Variants in DLG2 observed in about 807,000 individuals in gnomAD.
The protein encoded by DLG2 is disks large homolog 2.
In DLG2, 45 loss-of-function variants were observed where a neutral mutation model predicts 132.5. The ratio of observed to expected loss-of-function variants is 0.34; its 90% CI spans 0.27 to 0.44. The LOEUF (loss-of-function observed/expected upper bound fraction) is 0.44. Among genes scored for constraint, DLG2 ranks in the 20% least tolerant of loss-of-function variants. DLG2 has a pLI of 1.00. For synonymous variants in DLG2, 424 were observed against 419.6 expected, an observed-to-expected ratio of 1.01 and a Z score of -0.13; for missense variants, 1,045 against 1,196.9, an observed-to-expected ratio of 0.87 and a Z score of 1.87.
rs913728225 is a variant in DLG2 at position 83,651,226 on chromosome 11, G to C, written c.1826-17901C>G. 2.6e-5 allele frequency among the ~76,000 whole-genome samples: 4 copies of C among 152,030 alleles called. No homozygotes were observed. The East Asian group carries it at 7.7e-4, about 29-fold the overall frequency. ...AATTGAATAAGAAAACTGAGTTTAG[G>C]TTAAAAAAAAATCTCAGATGGAATG... On this transcript the variant is annotated intron_variant, in intron 18 of 27. Transcript: ENST00000376104.
At chr11:85,052,976 C>T (rs1210992241) in intron 6 of DLG2, among the ~76,000 whole-genome samples, 6 of 152,148 alleles carry the variant, frequency 3.9e-5, no homozygotes, top group Admixed American at 3.9e-4. Flanking sequence ...GCTACTTGCC[C>T]TATTGTTTCC....
At chr11:83,718,948 C>T (rs1034362993) in intron 18 of DLG2, among the ~76,000 whole-genome samples, 1 of 152,178 alleles carries the variant, frequency 6.6e-6, no homozygotes, top group Non-Finnish European at 1.5e-5. Context: ...CAGATTCCAG[C>T]ACCTATAGGC....
intron 6 of DLG2, among the ~76,000 whole-genome samples, chr11:84,616,107 G>C (rs1013252302): frequency 6.6e-6 from 1 of 151,992 alleles, no homozygotes; most frequent in African/African-American, 2.4e-5. Flanking sequence ...GCAAAGGGGG[G>C]TCAGAGAAGG....
Position 84,530,805 on chromosome 11 carries a change from C to T in DLG2, c.519+3765G>A, listed in dbSNP as rs550982899. Among the ~76,000 whole-genome samples, 31 of 152,228 alleles carry T rather than the reference C, an allele frequency of 2.0e-4. 1 individual carries two copies. In the East Asian group the frequency reaches 3.1e-3, roughly 15 times the overall value. On this transcript the variant is annotated intron_variant, in intron 7 of 27. Coordinates refer to ENST00000376104, the MANE Select transcript of DLG2 (RefSeq NM_001142699.3). ...CTCAAAGGAATATAAATTGTTCTGC[C>T]GTTAAGACACACGCAAAGGTATGTT... is the stretch of plus-strand genomic sequence containing the variant.
At position 84,624,704 on chromosome 11, in the gene DLG2, C is replaced by A. The variant is rs181840833; in HGVS notation, c.358-89973G>T. ...CCATGACATTCCTCCTTTTATTGGT[C>A]CTCAGCATTTTCAGTGAACATCACA... On this transcript the variant is annotated intron_variant, in intron 6 of 27. Coordinates refer to ENST00000376104, the MANE Select transcript of DLG2 (RefSeq NM_001142699.3). Among the ~76,000 whole-genome samples the A allele has an allele frequency of 3.6e-3, 542 of 151,474 alleles. 6 individuals are homozygous for A. Among genetic ancestry groups the A allele is most frequent in the African/African-American group, 0.012 (500 of 41,126 alleles).
Position 84,090,398 on chromosome 11 carries a change from G to A in DLG2, c.749+8525C>T, listed in dbSNP as rs986928298. ...CATTGCACTCCAGCCTGGGTGACAA[G>A]AGTGAGATTTCATCTCAAAAAAAAA... On this transcript the variant is annotated intron_variant, in intron 10 of 27. Coordinates refer to ENST00000376104, the MANE Select transcript of DLG2 (RefSeq NM_001142699.3). Among the ~76,000 whole-genome samples, 9 of 112,306 alleles carry A rather than the reference G, an allele frequency of 8.0e-5. No individual in the cohort carries two copies. The South Asian group carries it at 2.5e-3, about 32-fold the overall frequency. The allele number at this position is 112,306 out of a possible 152,430, so 73.7% of individuals were successfully genotyped here. A position where few individuals can be genotyped will look rare whatever the true frequency, so the allele number is the denominator to read the frequency against.
chr11:84,971,444 G>A (rs553220229), intron 6 of DLG2, among the ~76,000 whole-genome samples: 35 of 152,226 alleles, frequency 2.3e-4, no homozygotes, highest in Admixed American at 5.9e-4. Flanking sequence ...TAGATTTTAC[G>A]CACTTAAGAT....
intron 14 of DLG2, among the ~76,000 whole-genome samples, chr11:83,931,799 C>T (rs58178367): frequency 0.24 from 36,737 of 151,994 alleles, 8,309 homozygotes; most frequent in African/African-American, 0.6. Context: ...TTTAATACCT[C>T]GGATTTTAGA....
chr11:84,559,723 C>T (rs1016047333), intron 6 of DLG2, among the ~76,000 whole-genome samples: 7 of 152,102 alleles, frequency 4.6e-5, no homozygotes, highest in Non-Finnish European at 7.4e-5. Context: ...TGTGTCTCTT[C>T]GGTCCTCTGA....
At chr11:84,488,106 T>A (rs1221402192) in intron 7 of DLG2, among the ~76,000 whole-genome samples, 1 of 152,140 alleles carries the variant, frequency 6.6e-6, no homozygotes, top group African/African-American at 2.4e-5. Flanking sequence ...GCATTGCCCC[T>A]CAGAATCCTG....
At chr11:84,244,269 C>T (rs1297509502) in intron 8 of DLG2, among the ~76,000 whole-genome samples, 6 of 152,038 alleles carry the variant, frequency 3.9e-5, no homozygotes, top group Admixed American at 6.6e-5. Context: ...TTGCAACCTC[C>T]GCCTCCCGGG....
chr11:85,013,370 A>G (rs1423339419), intron 6 of DLG2, among the ~76,000 whole-genome samples: 3 of 152,164 alleles, frequency 2.0e-5, no homozygotes, highest in Admixed American at 2.0e-4. Flanking sequence ...GTTGCTCTGA[A>G]GTAGCCATGG....
At chr11:85,118,239 T>C (rs1045265300) in intron 5 of DLG2, among the ~76,000 whole-genome samples, 5 of 152,068 alleles carry the variant, frequency 3.3e-5, no homozygotes, top group Admixed American at 2.6e-4. Flanking sequence ...TTTGCCTCTT[T>C]TGTAAATGAA....
chr11:84,402,774 C>G (rs559236361), intron 7 of DLG2, among the ~76,000 whole-genome samples: 2 of 149,928 alleles, frequency 1.3e-5, no homozygotes, highest in South Asian at 4.2e-4. Context: ...CTCAGCTACT[C>G]GGGAGGCTGA....
At chr11:84,192,753 A>G (rs12805228) in intron 8 of DLG2, among the ~76,000 whole-genome samples, 2,275 of 137,712 alleles carry the variant, frequency 0.017, 29 homozygotes, top group Non-Finnish European at 0.03. Context: ...ATAAAAAAAT[A>G]AAAGAAATTG....
At chr11:85,158,308 G>A (rs191299128) in intron 4 of DLG2, among the ~76,000 whole-genome samples, 130 of 151,978 alleles carry the variant, frequency 8.6e-4, no homozygotes, top group African/African-American at 2.7e-3. Flanking sequence ...GTTGCAGCTC[G>A]AGTGAAAAAA....
chr11:85,458,380 G>A (rs2092487698), intron 3 of DLG2, among the ~76,000 whole-genome samples: 2 of 151,898 alleles, frequency 1.3e-5, no homozygotes, highest in African/African-American at 4.8e-5. Context: ...CTTTGACATT[G>A]TTTTCAACCT....
intron 5 of DLG2, among the ~76,000 whole-genome samples, chr11:85,153,511 G>T (rs993352605): frequency 2.6e-5 from 4 of 151,952 alleles, no homozygotes; most frequent in African/African-American, 9.7e-5. Context: ...TTCTCACTAG[G>T]ACTCTGGAAT....
At chr11:84,379,073 A>C (rs952260917) in intron 7 of DLG2, among the ~76,000 whole-genome samples, 4 of 152,114 alleles carry the variant, frequency 2.6e-5, no homozygotes, top group Non-Finnish European at 4.4e-5. Flanking sequence ...ACTCACCTTC[A>C]ACCCAAGTCT....
Sources: allele counts gnomAD v4.1 joint callset (sites outside exome capture counted in the v4.1 genomes callset), GRCh38; gene constraint gnomAD v4.1.1; transcripts MANE v1.5; gene names NCBI Gene and HGNC (gene_info 2026-07-23, HGNC 2026-07-21).